TOLLIP: variants seen among roughly 807,000 people sequenced by gnomAD.
TOLLIP encodes the protein toll interacting protein.
TOLLIP carries 16 observed loss-of-function variants against 33.5 expected under a neutral mutation model. The observed-to-expected ratio is 0.48, with a 90% confidence interval of 0.32 to 0.72. TOLLIP has a LOEUF of 0.72. Ranked by LOEUF, TOLLIP falls within the 30% of genes least tolerant of loss-of-function variation. TOLLIP has a pLI of 0.03. For synonymous variants in TOLLIP, 176 were observed against 163.7 expected, an observed-to-expected ratio of 1.07 and a Z score of -0.57; for missense variants, 325 against 396.6, an observed-to-expected ratio of 0.82 and a Z score of 1.53.
intron 2 of TOLLIP, among the ~76,000 whole-genome samples, chr11:1,295,138 T>C (rs1313253039): frequency 6.6e-6 from 1 of 152,262 alleles, no homozygotes. Flanking sequence ...CAGACGGTTT[T>C]CGTGTGATCA....
intron 5 of TOLLIP, 89 bp downstream of exon 5, chr11:1,285,913 G>T (rs1220857654): frequency 4.1e-6 from 4 of 964,086 alleles, no homozygotes; most frequent in Non-Finnish European, 6.2e-6. Context: ...CCACCCCGGC[G>T]CTCTAAGCCC....
Position 1,309,441 on chromosome 11 carries a change from C to T in TOLLIP, c.33+25G>A, listed in dbSNP as rs1289369479. The T allele has an allele frequency of 6.2e-6, 8 of 1,285,712 alleles. No individual in the cohort carries two copies. The East Asian group carries it at 2.7e-4, about 43-fold the overall frequency. The allele number at this position is 1,285,712 out of a possible 1,614,324, so 79.6% of individuals were successfully genotyped here. A position where few individuals can be genotyped will look rare whatever the true frequency, so the allele number is the denominator to read the frequency against. On this transcript the variant is annotated intron_variant, in intron 1 of 5. Transcript: ENST00000317204. ...CCGCAACCGCAGGTCACCGCCCCCG[C>T]CCGACCCTCGCCCGGCTGCCTCACC... is the stretch of plus-strand genomic sequence containing the variant.
chr11:1,284,473 C>G (rs1302097013), intron 5 of TOLLIP, among the ~76,000 whole-genome samples: 1 of 152,242 alleles, frequency 6.6e-6, no homozygotes, highest in African/African-American at 2.4e-5. Flanking sequence ...CTCAGCCTCC[C>G]GAGCAGCTGG....
intron 1 of TOLLIP, among the ~76,000 whole-genome samples, chr11:1,307,416 G>A (rs1460132149): frequency 2.0e-5 from 3 of 152,244 alleles, no homozygotes; most frequent in South Asian, 2.1e-4. Context: ...CATCGCGGGT[G>A]TAACAGCGCT....
Position 1,276,409 on chromosome 11 carries a change from T to G in TOLLIP, c.*630A>C. Reference sequence around the variant, plus strand: ...CCCCCTTCCTCACTCCAGGTGTGGGTTCATTCTGCCTTCAGGCCGGAGTCT... The same window carrying G: ...CCCCCTTCCTCACTCCAGGTGTGGGGTCATTCTGCCTTCAGGCCGGAGTCT... On this transcript the variant is annotated 3_prime_UTR_variant, in exon 6 of 6. Coordinates refer to ENST00000317204, the MANE Select transcript of TOLLIP (RefSeq NM_019009.4). 3.6e-6 allele frequency: 1 copy of G among 274,112 alleles called. No homozygotes were observed. The highest frequency in any genetic ancestry group is 7.3e-6 in the Non-Finnish European group (1 of 137,554). 17.0% of individuals were successfully genotyped at this position (274,112 alleles called of 1,614,324 possible). A position where few individuals can be genotyped will look rare whatever the true frequency, so the allele number is the denominator to read the frequency against.
At chr11:1,302,610 G>A in intron 1 of TOLLIP, 1 of 986,936 alleles carries the variant, frequency 1.0e-6, no homozygotes. Context: ...TGGCACTCCA[G>A]CCAGCCTCGG....
Position 1,290,436 on chromosome 11 carries a change from G to C in TOLLIP, c.184-27C>G. On this transcript the variant is annotated intron_variant, in intron 2 of 5. Coordinates refer to ENST00000317204, the MANE Select transcript of TOLLIP (RefSeq NM_019009.4). This position sits in a 1 kb window ranked among gnomAD's most constrained non-coding sequence, Gnocchi z 4.9. Reference sequence around the variant, plus strand: ...TGGAATGAAGCCAATGTCAGGAAAAGGAGGTGCCAACCATCAGGAGAGGGT... The same window carrying C: ...TGGAATGAAGCCAATGTCAGGAAAACGAGGTGCCAACCATCAGGAGAGGGT... The C allele has an allele frequency of 6.2e-7, 1 of 1,606,816 alleles. No homozygotes were observed. The highest frequency in any genetic ancestry group is 2.2e-5 in the East Asian group (1 of 44,690).
intron 1 of TOLLIP, 41 bp from the exon 2 acceptor site, chr11:1,295,835 G>C: frequency 1.3e-6 from 2 of 1,514,132 alleles, no homozygotes; most frequent in South Asian, 2.5e-5. Context: ...AGTCAGGGTG[G>C]GGGCACAAAG....
At chr11:1,288,322 C>G (rs1793191278) in intron 4 of TOLLIP, among the ~76,000 whole-genome samples, 1 of 152,208 alleles carries the variant, frequency 6.6e-6, no homozygotes, top group Admixed American at 6.5e-5. Flanking sequence ...TGTGGGGGTC[C>G]TCCGAGGACA....
At chr11:1,301,325 T>A (rs540157336) in intron 1 of TOLLIP, among the ~76,000 whole-genome samples, 1 of 152,140 alleles carries the variant, frequency 6.6e-6, no homozygotes, top group Non-Finnish European at 1.5e-5. Context: ...TGTCGACGAT[T>A]CTCATTCAAT....
In TOLLIP at chr11:1,276,732, T is replaced by A. The variant is rs1361538147; in HGVS notation, c.*307A>T. The A allele has an allele frequency of 1.4e-6, 2 of 1,455,824 alleles. No homozygotes were observed. The highest frequency in any genetic ancestry group is 2.8e-5 in the African/African-American group (2 of 71,416). 90.2% of individuals were successfully genotyped at this position (1,455,824 alleles called of 1,614,324 possible). A position where few individuals can be genotyped will look rare whatever the true frequency, so the allele number is the denominator to read the frequency against. On this transcript the variant is annotated 3_prime_UTR_variant, in exon 6 of 6. Coordinates refer to ENST00000317204, the MANE Select transcript of TOLLIP (RefSeq NM_019009.4). ...CCTCCAACACCCTGGCAGAAGCAGC[T>A]GCTCTCTACAGCAAGAGCATTTTCC...
chr11:1,286,172 T>A (rs952585313), intron 4 of TOLLIP, 80 bp from the exon 5 acceptor site: 37 of 1,119,986 alleles, frequency 3.3e-5, no homozygotes, highest in Non-Finnish European at 4.7e-5. Context: ...CTCCCCACAA[T>A]TGCCCTCCCC....
intron 5 of TOLLIP, among the ~76,000 whole-genome samples, chr11:1,285,114 G>A (rs1386444685): frequency 1.3e-5 from 2 of 152,138 alleles, no homozygotes; most frequent in Non-Finnish European, 2.9e-5. Context: ...CAAGCAGCCG[G>A]GGCCTCATGC....
intron 1 of TOLLIP, among the ~76,000 whole-genome samples, chr11:1,305,210 C>A (rs1864393698): frequency 6.6e-6 from 1 of 152,216 alleles, no homozygotes; most frequent in Non-Finnish European, 1.5e-5. Flanking sequence ...CACAACCCGG[C>A]CTAAAAAATC....
intron 5 of TOLLIP, among the ~76,000 whole-genome samples, chr11:1,284,932 C>T (rs1044802687): frequency 2.6e-5 from 4 of 152,142 alleles, no homozygotes; most frequent in African/African-American, 9.7e-5. Context: ...GGGTCTAGGG[C>T]GAGGTCCCGA....
intron 5 of TOLLIP, among the ~76,000 whole-genome samples, chr11:1,282,072 A>G (rs1358190618): frequency 2.0e-5 from 3 of 152,176 alleles, no homozygotes; most frequent in African/African-American, 7.2e-5. Context: ...TAGGATAATT[A>G]AAAAATACTT....
chr11:1,295,954 G>A (rs1375978749), intron 1 of TOLLIP, among the ~76,000 whole-genome samples, 160 bp from the exon 2 acceptor site: 5 of 152,236 alleles, frequency 3.3e-5, no homozygotes, highest in African/African-American at 9.6e-5. Context: ...TAAACGGAGG[G>A]GTCAAGGGTG....
chr11:1,309,547 G>T lies in TOLLIP; in HGVS notation c.-49C>A. The T allele has an allele frequency of 8.2e-7, 1 of 1,221,348 alleles. No homozygotes were observed. Among genetic ancestry groups the T allele is most frequent in the South Asian group, 2.4e-5 (1 of 42,332 alleles). The allele number at this position is 1,221,348 out of a possible 1,614,324, so 75.7% of individuals were successfully genotyped here. On this transcript the variant is annotated 5_prime_UTR_variant, in exon 1 of 6. Transcript: ENST00000317204. ...TCGCCGACCCGACAGTGACGCGCCGGGCGACCTCCTGCGCCCCCGCCGGAG... is the reference window on the plus strand; with the variant it reads ...TCGCCGACCCGACAGTGACGCGCCGTGCGACCTCCTGCGCCCCCGCCGGAG...
At chr11:1,300,015 G>T (rs997674647) in intron 1 of TOLLIP, among the ~76,000 whole-genome samples, 1 of 152,196 alleles carries the variant, frequency 6.6e-6, no homozygotes, top group Non-Finnish European at 1.5e-5. Context: ...TTCAGGAATG[G>T]AACTCGAGGG....
Sources: allele counts gnomAD v4.1 joint callset (sites outside exome capture counted in the v4.1 genomes callset), GRCh38; gene constraint gnomAD v4.1.1; non-coding constraint Gnocchi (gnomAD v3.1); transcripts MANE v1.5; gene names NCBI Gene and HGNC (gene_info 2026-07-23, HGNC 2026-07-21).